The following CORO1C variants were observed in gnomAD, a reference collection of about 807,000 sequenced individuals.
CORO1C encodes coronin-1C.
A neutral mutation model predicts 51.2 loss-of-function variants in CORO1C; 14 were observed. The observed-to-expected ratio is 0.27, with a 90% CI of 0.18 to 0.43. The LOEUF is 0.43. CORO1C is among the 20% of genes least tolerant of loss of function. The probability of loss-of-function intolerance (pLI) is 1.00; values close to 1 mark genes in which losing one functional copy is unlikely to be tolerated. For synonymous variants in CORO1C, 181 were observed against 210.5 expected, an observed-to-expected ratio of 0.86 and a Z score of 1.21; for missense variants, 417 against 607.8, an observed-to-expected ratio of 0.69 and a Z score of 3.30.
rs2032524717 is a variant in CORO1C at position 108,649,114 on chromosome 12, T to C, written c.1002-94A>G. On this transcript the variant is annotated intron_variant, in intron 8 of 10. Coordinates refer to ENST00000261401, the MANE Select transcript of CORO1C (RefSeq NM_014325.4). ...TAGTTTTCTACAATGCTGTCTGAAA[T>C]GTCAAGTGCTTCTTTACCCATCCCC... The C allele has an allele frequency of 5.6e-6, 8 of 1,434,928 alleles. No homozygotes were observed. In the East Asian group the frequency reaches 1.4e-4, roughly 25 times the overall value. 88.9% of individuals were successfully genotyped at this position (1,434,928 alleles called of 1,614,324 possible).
chr12:108,696,341 C>T (rs2034681534), intron 2 of CORO1C: 1 of 151,436 alleles, frequency 6.6e-6, no homozygotes, highest in South Asian at 2.1e-4. Context: ...TAATTCTTAC[C>T]GATTCCTCCC....
intron 3 of CORO1C, among the ~76,000 whole-genome samples, chr12:108,666,713 T>TA (rs1294034030): frequency 6.6e-6 from 1 of 152,200 alleles, no homozygotes; most frequent in Non-Finnish European, 1.5e-5. Flanking sequence ...GCTGGGACAC[T>TA]AATTGGTCAT....
chr12:108,668,136 G>A (rs560645168), intron 3 of CORO1C, among the ~76,000 whole-genome samples: 10 of 152,286 alleles, frequency 6.6e-5, no homozygotes, highest in African/African-American at 2.2e-4. Context: ...GAAAATACAT[G>A]AGACAGGAGA....
chr12:108,650,532 AT>A (rs2136792968), intron 8 of CORO1C, among the ~76,000 whole-genome samples: 1 of 152,350 alleles, frequency 6.6e-6, no homozygotes, highest in South Asian at 2.1e-4. Context: ...AGTATAGCCA[AT>A]AAAAAGACTG....
At chr12:108,722,839 T>C (rs1216397668) in intron 1 of CORO1C, among the ~76,000 whole-genome samples, 7 of 152,218 alleles carry the variant, frequency 4.6e-5, no homozygotes, top group Admixed American at 3.9e-4. Flanking sequence ...TTCTACTTGA[T>C]AAAAGTAATT....
chr12:108,692,794 C>CTTTTTT (rs11447073), intron 2 of CORO1C, among the ~76,000 whole-genome samples: 12 of 111,664 alleles, frequency 1.1e-4, no homozygotes, highest in East Asian at 2.7e-4. Flanking sequence ...TAGACCACAG[C>CTTTTTT]TTTTTTTTTT....
chr12:108,706,052 T>C (rs2035019408), intron 1 of CORO1C, among the ~76,000 whole-genome samples: 2 of 151,922 alleles, frequency 1.3e-5, no homozygotes, highest in East Asian at 1.9e-4. Context: ...CCAGGCATGG[T>C]GGTGGGCACC....
At chr12:108,712,365 G>T (rs2035206083) in intron 1 of CORO1C, among the ~76,000 whole-genome samples, 1 of 152,044 alleles carries the variant, frequency 6.6e-6, no homozygotes. Flanking sequence ...CCCGAACTCA[G>T]GAATTCGAGA....
chr12:108,681,086 T>C (rs2034108857), intron 2 of CORO1C, among the ~76,000 whole-genome samples: 1 of 152,178 alleles, frequency 6.6e-6, no homozygotes, highest in Non-Finnish European at 1.5e-5. Flanking sequence ...CAATCATAGC[T>C]CACTCCTGGC....
rs1272153455 is a variant in CORO1C at position 108,648,764 on chromosome 12, A to C, written c.1146T>G (p.Asn382Lys). 1.2e-6 allele frequency: 2 copies of C among 1,614,060 alleles called. No individual in the cohort carries two copies. Among genetic ancestry groups the C allele is most frequent in the Admixed American group, 3.3e-5 (2 of 60,008 alleles). Residue 382 changes from asparagine to lysine, a missense_variant, in exon 10 of 11, where the codon AAT becomes AAG. Coordinates refer to ENST00000261401, the MANE Select transcript of CORO1C (RefSeq NM_014325.4). ...LEAEEWFEGKNADPILISLKH... is the reference protein window; with the variant it reads ...LEAEEWFEGKKADPILISLKH... ...TCAAGGAGATGAGGATTGGGTCTGC[A>C]TTCTTGCCTTCGAACCACTCTTCTG... is the stretch of plus-strand genomic sequence containing the variant.
In CORO1C at chr12:108,726,358, G is replaced by A. The variant is rs138535236; in HGVS notation, c.-6+5071C>T. ...GGCGTGAACCTGGGAGGCAGAGCTT[G>A]CAGTGAGCTGAGATCGTGCCACTGC... is the stretch of plus-strand genomic sequence containing the variant. On this transcript the variant is annotated intron_variant, in intron 1 of 10. Coordinates refer to ENST00000261401, the MANE Select transcript of CORO1C (RefSeq NM_014325.4). Among the ~76,000 whole-genome samples the A allele has an allele frequency of 2.8e-3, 422 of 151,368 alleles. 2 individuals carry two copies. The highest frequency in any genetic ancestry group is 9.7e-3 in the African/African-American group (400 of 41,256).
chr12:108,668,360 G>C (rs1344735516), intron 3 of CORO1C: 2 of 152,192 alleles, frequency 1.3e-5, no homozygotes, highest in African/African-American at 4.8e-5. Flanking sequence ...GTACAAAATG[G>C]AATTAAGACG....
chr12:108,704,249 G>T (rs748312122), intron 1 of CORO1C, among the ~76,000 whole-genome samples: 30 of 152,076 alleles, frequency 2.0e-4, no homozygotes, highest in African/African-American at 7.2e-4. Flanking sequence ...AAGCTGAGAC[G>T]GATCACGAGG....
chr12:108,700,166 C>T (rs371908617), intron 2 of CORO1C, among the ~76,000 whole-genome samples: 1 of 152,260 alleles, frequency 6.6e-6, no homozygotes, highest in African/African-American at 2.4e-5. Flanking sequence ...GGATCCACTT[C>T]CCCCGCTGTT....
intron 2 of CORO1C, among the ~76,000 whole-genome samples, chr12:108,700,367 A>C (rs2034828830): frequency 1.3e-5 from 2 of 152,140 alleles, no homozygotes. Flanking sequence ...TTTGCTGATA[A>C]AGTAACTATA....
At chr12:108,701,403 T>C (rs1205878136) in intron 1 of CORO1C, 80 bp from the exon 2 acceptor site, 9 of 1,594,038 alleles carry the variant, frequency 5.6e-6, no homozygotes, top group Non-Finnish European at 6.8e-6. Context: ...ATGCTCCAAG[T>C]AGGAAAAACA....
At chr12:108,722,632 A>T (rs1172757571) in intron 1 of CORO1C, among the ~76,000 whole-genome samples, 1 of 152,242 alleles carries the variant, frequency 6.6e-6, no homozygotes, top group Admixed American at 6.5e-5. Flanking sequence ...TCAACACAAT[A>T]GATAGAAATT....
intron 1 of CORO1C, among the ~76,000 whole-genome samples, chr12:108,714,108 G>A (rs1413360459): frequency 4.6e-5 from 7 of 152,086 alleles, no homozygotes; most frequent in Admixed American, 4.6e-4. Flanking sequence ...AGAACAACCT[G>A]GGCCGGGCAC....
In CORO1C at chr12:108,647,155, A is replaced by C. The variant is rs946685759; in HGVS notation, c.*248T>G. On this transcript the variant is annotated 3_prime_UTR_variant, in exon 11 of 11. Coordinates refer to ENST00000261401, the MANE Select transcript of CORO1C (RefSeq NM_014325.4). ...TTTAAAAAGTTCAACAAGTCACATA[A>C]CACTTAAAACATCAAAAAAGCTTTC... 3.2e-5 allele frequency: 12 copies of C among 379,126 alleles called. No individual in the cohort carries two copies. In the East Asian group the frequency reaches 5.1e-4, roughly 16 times the overall value. The allele number at this position is 379,126 out of a possible 1,614,324, so 23.5% of individuals were successfully genotyped here.
Sources: gnomAD v4.1 joint callset for allele counts (sites outside exome capture counted in the v4.1 genomes callset) on GRCh38, gnomAD v4.1.1 for gene constraint, MANE v1.5 for transcripts, NCBI Gene and HGNC (gene_info 2026-07-23, HGNC 2026-07-21) for gene names.